Variants in IMMP2L observed in about 807,000 individuals in gnomAD.
The protein encoded by IMMP2L is inner mitochondrial membrane peptidase subunit 2.
Under a neutral mutation model 19.3 loss-of-function variants are expected in IMMP2L, and 18 were observed. That is an observed-to-expected ratio of 0.93 (90% confidence interval 0.64 to 1.38). The LOEUF is 1.38. Among genes scored for constraint, IMMP2L ranks in the 40% most tolerant of loss-of-function variants. IMMP2L has a pLI of 0.00. For synonymous variants in IMMP2L, 76 were observed against 73.0 expected (o/e 1.04, Z -0.21); for missense variants, 233 against 218.2 (o/e 1.07, Z -0.43).
chr7:110,666,596 G>C (rs1791474193), intron 5 of IMMP2L, among the ~76,000 whole-genome samples: 1 of 151,772 alleles, frequency 6.6e-6, no homozygotes, highest in African/African-American at 2.4e-5. Context: ...CCAAGGTTTA[G>C]TACTAGGTGT....
At chr7:111,190,145 C>G (rs767090785) in intron 3 of IMMP2L, among the ~76,000 whole-genome samples, 3 of 152,084 alleles carry the variant, frequency 2.0e-5, no homozygotes, top group Non-Finnish European at 4.4e-5. Context: ...TCACCAATAG[C>G]TAAAATCACT....
intron 5 of IMMP2L, among the ~76,000 whole-genome samples, chr7:110,865,274 A>C (rs1385278035): frequency 2.0e-5 from 3 of 152,034 alleles, no homozygotes; most frequent in African/African-American, 7.2e-5. Flanking sequence ...ACAAACACTA[A>C]ATTTTAAACA....
chr7:110,918,452 C>CTTTTTTTTTTTT (rs1029668134), intron 4 of IMMP2L, among the ~76,000 whole-genome samples: 5 of 130,486 alleles, frequency 3.8e-5, no homozygotes, highest in Admixed American at 7.8e-5. Context: ...TTCTTTTTTT[C>CTTTTTTTTTTTT]TTTTTTTTTT....
intron 1 of IMMP2L, among the ~76,000 whole-genome samples, chr7:111,530,418 C>A (rs1426902362): frequency 6.6e-6 from 1 of 152,114 alleles, no homozygotes; most frequent in Non-Finnish European, 1.5e-5. Flanking sequence ...GATAAGACAC[C>A]TAATACATAA....
chr7:110,899,954 G>A (rs1811697378), intron 4 of IMMP2L, among the ~76,000 whole-genome samples: 1 of 152,124 alleles, frequency 6.6e-6, no homozygotes, highest in Non-Finnish European at 1.5e-5. Flanking sequence ...CAAGAAATAT[G>A]CTCAATTATA....
chr7:111,046,494 A>C (rs1440690992), intron 3 of IMMP2L, among the ~76,000 whole-genome samples: 1 of 152,126 alleles, frequency 6.6e-6, no homozygotes, highest in Non-Finnish European at 1.5e-5. Flanking sequence ...GAAAGTCAAG[A>C]AGGAAAACAA....
intron 1 of IMMP2L, among the ~76,000 whole-genome samples, chr7:111,556,014 G>GTGTATATATATATATATAT: frequency 8.7e-6 from 1 of 114,570 alleles, no homozygotes; most frequent in Non-Finnish European, 1.7e-5. Flanking sequence ...TCTTCTGTGT[G>GTGTATATATATATATATAT]CATGTATATA....
At chr7:111,431,683 A>G (rs1836650721) in intron 3 of IMMP2L, among the ~76,000 whole-genome samples, 1 of 151,878 alleles carries the variant, frequency 6.6e-6, no homozygotes, top group Non-Finnish European at 1.5e-5. Flanking sequence ...ACAATTTCCT[A>G]GAGTTCAAGT....
At chr7:110,887,534 C>T (rs1196342353) in intron 4 of IMMP2L, among the ~76,000 whole-genome samples, 2 of 150,568 alleles carry the variant, frequency 1.3e-5, no homozygotes, top group East Asian at 1.9e-4. Flanking sequence ...AAAATAAAAT[C>T]GGAAATATAG....
chr7:110,943,014 A>G (rs1045886744), intron 4 of IMMP2L, among the ~76,000 whole-genome samples: 3 of 152,010 alleles, frequency 2.0e-5, no homozygotes, highest in Non-Finnish European at 4.4e-5. Flanking sequence ...ATTAAAGGAC[A>G]GATGGATGTG....
chr7:110,941,724 G>T (rs1816743787), intron 4 of IMMP2L, among the ~76,000 whole-genome samples: 1 of 152,160 alleles, frequency 6.6e-6, no homozygotes, highest in Admixed American at 6.6e-5. Flanking sequence ...TTGAGAAAGT[G>T]AAATCTAATA....
chr7:111,435,756 A>C (rs1304077599), intron 3 of IMMP2L, among the ~76,000 whole-genome samples: 1 of 151,864 alleles, frequency 6.6e-6, no homozygotes, highest in Non-Finnish European at 1.5e-5. Flanking sequence ...CAAATTATAG[A>C]AGCAGCCAGC....
intron 4 of IMMP2L, among the ~76,000 whole-genome samples, chr7:110,896,793 T>A (rs1004526316): frequency 6.6e-6 from 1 of 151,976 alleles, no homozygotes; most frequent in East Asian, 1.9e-4. Context: ...TAGGGAAAAA[T>A]ACATTTCAGT....
intron 3 of IMMP2L, among the ~76,000 whole-genome samples, chr7:111,022,175 A>G (rs1327634385): frequency 2.6e-5 from 4 of 152,190 alleles, no homozygotes; most frequent in Non-Finnish European, 4.4e-5. Context: ...CTGAAGCCAG[A>G]GCCATTTTCT....
rs575015935 is a variant in IMMP2L at position 111,422,413 on chromosome 7, A to G, written c.239+64825T>C. Among the ~76,000 whole-genome samples the G allele has an allele frequency of 4.0e-4, 61 of 151,354 alleles. 1 individual carries two copies. The highest frequency in any genetic ancestry group is 1.5e-3 in the African/African-American group (60 of 41,012). ...TCTATTTCATTGAGCAGTGGTTTGTAGTTCTCCTTGAAGAGGTCACCACAT... is the reference window on the plus strand; with the variant it reads ...TCTATTTCATTGAGCAGTGGTTTGTGGTTCTCCTTGAAGAGGTCACCACAT... On this transcript the variant is annotated intron_variant, in intron 3 of 5. Transcript: ENST00000405709.
chr7:110,984,406 G>A (rs1436975564), intron 3 of IMMP2L, among the ~76,000 whole-genome samples: 3 of 151,734 alleles, frequency 2.0e-5, no homozygotes, highest in Non-Finnish European at 4.4e-5. Context: ...TGAAATACAT[G>A]AATATTTTAA....
intron 3 of IMMP2L, among the ~76,000 whole-genome samples, chr7:111,206,210 G>A (rs188507094): frequency 1.4e-4 from 21 of 152,012 alleles, no homozygotes; most frequent in Admixed American, 4.6e-4. Flanking sequence ...TTTTCATTAC[G>A]TCTCCCTTAG....
At chr7:110,928,544 A>T (rs1815122715) in intron 4 of IMMP2L, among the ~76,000 whole-genome samples, 1 of 151,746 alleles carries the variant, frequency 6.6e-6, no homozygotes, top group Non-Finnish European at 1.5e-5. Flanking sequence ...AGAATAACAG[A>T]ACCTCACAGA....
intron 3 of IMMP2L, among the ~76,000 whole-genome samples, chr7:110,976,853 C>T (rs1820751611): frequency 6.6e-6 from 1 of 151,898 alleles, no homozygotes; most frequent in South Asian, 2.1e-4. Context: ...TAATATATTT[C>T]TAAAATGACC....
Sources: gnomAD v4.1 joint callset for allele counts (sites outside exome capture counted in the v4.1 genomes callset) on GRCh38, gnomAD v4.1.1 for gene constraint, MANE v1.5 for transcripts, NCBI Gene and HGNC (gene_info 2026-07-23, HGNC 2026-07-21) for gene names.